The following MYO7A variants were observed in gnomAD, a reference collection of about 807,000 sequenced individuals.
MYO7A encodes myosin VIIA.
Under a neutral mutation model 263.8 loss-of-function variants are expected in MYO7A, and 210 were observed. That is an observed-to-expected ratio of 0.80 (90% confidence interval 0.71 to 0.89). The LOEUF is 0.89. Ranked by LOEUF, MYO7A falls within the 40% of genes least tolerant of loss-of-function variation. The pLI is 0.00. For missense variants in MYO7A, 2,820 were observed against 2,968.3 expected (o/e 0.95, Z 1.16); for synonymous variants, 1,239 against 1,197.3 (o/e 1.03, Z -0.72).
chr11:77,180,269 C>A, intron 21 of MYO7A, 105 bp from the exon 22 acceptor site: 4 of 419,584 alleles, frequency 9.5e-6, no homozygotes, highest in Non-Finnish European at 1.5e-5. Context: ...CTATCAAAGT[C>A]ATGCCCAGTT....
At chr11:77,141,252 G>A (rs1246511981) in intron 2 of MYO7A, among the ~76,000 whole-genome samples, 1 of 152,166 alleles carries the variant, frequency 6.6e-6, no homozygotes, top group Non-Finnish European at 1.5e-5. Flanking sequence ...AGAGGAGGCT[G>A]AAACAGTAAT....
At chr11:77,192,516 G>A (rs1456618124) in intron 31 of MYO7A, among the ~76,000 whole-genome samples, 1 of 152,150 alleles carries the variant, frequency 6.6e-6, no homozygotes. Context: ...CAGTGGAGGA[G>A]GCCCCCACAC....
At chr11:77,208,637 G>A (rs1445144947) in intron 43 of MYO7A, 60 bp from the exon 44 acceptor site, 37 of 1,504,230 alleles carry the variant, frequency 2.5e-5, no homozygotes, top group South Asian at 7.2e-5. Context: ...GTCTGGGCTC[G>A]GGACGTGAGC....
At chr11:77,154,165 A>G (rs1356294597) in intron 4 of MYO7A, among the ~76,000 whole-genome samples, 1 of 152,176 alleles carries the variant, frequency 6.6e-6, no homozygotes, top group Non-Finnish European at 1.5e-5. Flanking sequence ...GGCAAAGGTT[A>G]TGTCTTTGCC....
intron 45 of MYO7A, 73 bp from the exon 46 acceptor site, chr11:77,211,741 ACTCTGAG>A: frequency 2.8e-6 from 3 of 1,088,076 alleles, no homozygotes; most frequent in Non-Finnish European, 4.2e-6. Context: ...TGTGGGGAGG[ACTCTGAG>A]CTCTGAGCTG....
chr11:77,166,615 G>T (rs530800312), intron 15 of MYO7A, among the ~76,000 whole-genome samples: 15 of 152,168 alleles, frequency 9.9e-5, no homozygotes, highest in Non-Finnish European at 1.5e-5. Context: ...CCTTTCCTTA[G>T]GCCCTAGGGT....
intron 1 of MYO7A, 133 bp from the exon 2 acceptor site, chr11:77,130,456 G>A (rs1950735654): frequency 1.5e-6 from 1 of 652,018 alleles, no homozygotes; most frequent in African/African-American, 1.8e-5. Context: ...TGGTCAGAGG[G>A]AGAGAAGCCA....
chr11:77,156,013 C>T lies in MYO7A; in HGVS notation c.392C>T (p.Pro131Leu), dbSNP rs1555061692. 4 of 1,613,918 alleles carry T rather than the reference C, an allele frequency of 2.5e-6. No individual in the cohort carries two copies. The highest frequency in any genetic ancestry group is 3.4e-6 in the Non-Finnish European group (4 of 1,179,876). ...ACCAACAAGAAGATTGGGGAGATGC[C>T]CCCCCACATCTTTGCCATTGCTGAC... ...QYTNKKIGEM[P>L]PHIFAIADNC... Residue 131 changes from proline (P) to leucine (L), a missense_variant, in exon 5 of 49, where the codon CCC (proline) becomes CTC (leucine). Transcript: ENST00000409709.
intron 13 of MYO7A, among the ~76,000 whole-genome samples, chr11:77,162,584 A>G (rs782465269): frequency 5.3e-5 from 8 of 152,104 alleles, no homozygotes; most frequent in Non-Finnish European, 8.8e-5. Flanking sequence ...TGTATATCTC[A>G]GAGTTGGGGA....
At chr11:77,133,420 G>T (rs1950823664) in intron 2 of MYO7A, among the ~76,000 whole-genome samples, 1 of 152,236 alleles carries the variant, frequency 6.6e-6, no homozygotes, top group Non-Finnish European at 1.5e-5. Flanking sequence ...AGATAAATTT[G>T]TGGGCTGTTG....
intron 3 of MYO7A, among the ~76,000 whole-genome samples, chr11:77,146,328 G>A (rs1382513435): frequency 6.6e-6 from 1 of 152,188 alleles, no homozygotes; most frequent in Non-Finnish European, 1.5e-5. Context: ...TCAGGGAAGG[G>A]CTGAGAGCCC....
intron 23 of MYO7A, among the ~76,000 whole-genome samples, 172 bp from the exon 24 acceptor site, chr11:77,181,779 G>GTTTT (rs782689084): frequency 1.2e-4 from 11 of 90,038 alleles, no homozygotes; most frequent in South Asian, 4.3e-4. Context: ...TTTTTTTTTT[G>GTTTT]TTTTTTTTTT....
At chr11:77,168,365 C>G (rs1486981856) in intron 15 of MYO7A, among the ~76,000 whole-genome samples, 1 of 152,192 alleles carries the variant, frequency 6.6e-6, no homozygotes, top group Non-Finnish European at 1.5e-5. Context: ...CAACAGTGAC[C>G]AATCTGATAC....
chr11:77,202,902 G>A (rs953366961), intron 37 of MYO7A, among the ~76,000 whole-genome samples, 158 bp from the exon 38 acceptor site: 3 of 151,118 alleles, frequency 2.0e-5, no homozygotes, highest in Non-Finnish European at 4.4e-5. Context: ...CCAGTGACTC[G>A]CCTCGGGTCA....
At chr11:77,160,342 T>A (rs1277263285) in intron 11 of MYO7A, 60 bp downstream of exon 11, 9 of 1,524,408 alleles carry the variant, frequency 5.9e-6, no homozygotes, top group Non-Finnish European at 7.9e-6. Flanking sequence ...GGGCTCTTGA[T>A]GGGCAGGTGC....
chr11:77,175,515 A>G, intron 18 of MYO7A, 51 bp downstream of exon 18: 1 of 1,543,360 alleles, frequency 6.5e-7, no homozygotes, highest in Non-Finnish European at 8.9e-7. Context: ...GTAAATTCCC[A>G]TGATGTGGGC....
At chr11:77,152,366 C>T (rs552347969) in intron 4 of MYO7A, among the ~76,000 whole-genome samples, 1 of 152,364 alleles carries the variant, frequency 6.6e-6, no homozygotes, top group South Asian at 2.1e-4. Context: ...CGCTACCTTC[C>T]CTGCAGATTG....
intron 16 of MYO7A, 21 bp downstream of exon 16, chr11:77,172,906 G>A (rs374194185): frequency 3.9e-6 from 6 of 1,539,662 alleles, no homozygotes; most frequent in East Asian, 2.5e-5. Flanking sequence ...CTGGCCTGGG[G>A]TTGGCGGGTG....
At chr11:77,148,018 C>A in intron 4 of MYO7A, 68 bp downstream of exon 4, 1 of 1,388,102 alleles carries the variant, frequency 7.2e-7, no homozygotes, top group East Asian at 2.7e-5. Context: ...CTCGCCCCAC[C>A]CCGCCCGACT....
Sources: allele counts gnomAD v4.1 joint callset (sites outside exome capture counted in the v4.1 genomes callset), GRCh38; gene constraint gnomAD v4.1.1; transcripts MANE v1.5; gene names NCBI Gene and HGNC (gene_info 2026-07-23, HGNC 2026-07-21).